The following ZNF536 variants were observed in gnomAD, a reference collection of about 807,000 sequenced individuals.
ZNF536 encodes zinc finger protein 536.
ZNF536 carries 13 observed loss-of-function variants against 84.5 expected under a neutral mutation model. The ratio of observed to expected loss-of-function variants is 0.15; its 90% CI spans 0.10 to 0.24. The LOEUF (loss-of-function observed/expected upper bound fraction) is 0.24. Ranked by LOEUF, ZNF536 falls within the 10% of genes least tolerant of loss-of-function variation. ZNF536 has a pLI of 1.00. For synonymous variants in ZNF536, 811 were observed against 742.5 expected (o/e 1.09, Z -1.50); for missense variants, 1,536 against 1,747.5 (o/e 0.88, Z 2.16).
At chr19:30,711,701 G>A (rs1271967189) in exon 2 of ZNF536, 1 of 151,998 alleles carries the variant, frequency 6.6e-6, no homozygotes, top group Non-Finnish European at 1.5e-5. Context: ...GTCCATTGCA[G>A]GTTTGATGAG....
chr19:30,297,005 G>A (rs1388064355), intron 2 of ZNF536, among the ~76,000 whole-genome samples: 1 of 152,238 alleles, frequency 6.6e-6, no homozygotes, highest in African/African-American at 2.4e-5. Context: ...TGAGGTGTTT[G>A]AGATGCTCCA....
At chr19:30,326,120 G>T (rs1006306769) in intron 2 of ZNF536, among the ~76,000 whole-genome samples, 1 of 152,206 alleles carries the variant, frequency 6.6e-6, no homozygotes, top group Non-Finnish European at 1.5e-5. Context: ...AATAGTGCTG[G>T]GGTCAGATGG....
chr19:30,572,450 C>A (rs1005254999), intron 1 of ZNF536, among the ~76,000 whole-genome samples: 1 of 152,168 alleles, frequency 6.6e-6, no homozygotes, highest in Non-Finnish European at 1.5e-5. Flanking sequence ...AACACTGTGA[C>A]CCCTCTACCC....
At chr19:30,270,856 C>G (rs908624660) in intron 1 of ZNF536, among the ~76,000 whole-genome samples, 1 of 150,752 alleles carries the variant, frequency 6.6e-6, no homozygotes, top group Non-Finnish European at 1.5e-5. Context: ...GCTGGGTATA[C>G]AGTCGGTTAA....
At chr19:30,477,301 G>C (rs2053890603) in intron 2 of ZNF536, among the ~76,000 whole-genome samples, 2 of 152,174 alleles carry the variant, frequency 1.3e-5, no homozygotes, top group Non-Finnish European at 2.9e-5. Flanking sequence ...CAGGAATGGT[G>C]TCTGTTTTGT....
intron 2 of ZNF536, among the ~76,000 whole-genome samples, chr19:30,454,306 T>C (rs1049853086): frequency 2.0e-5 from 3 of 152,188 alleles, no homozygotes; most frequent in African/African-American, 7.2e-5. Flanking sequence ...CGCGCCACAG[T>C]GCTCTCTTCT....
At chr19:30,440,908 TAG>T (rs2052010617) in intron 1 of ZNF536, among the ~76,000 whole-genome samples, 2 of 151,600 alleles carry the variant, frequency 1.3e-5, no homozygotes, top group South Asian at 4.2e-4. Flanking sequence ...GATAGATAGA[TAG>T]ATAGATAGAT....
At position 30,372,538 on chromosome 19, in the gene ZNF536, C is replaced by T. The variant is rs764635263; in HGVS notation, c.-21C>T. The T allele has an allele frequency of 6.6e-6, 1 of 152,122 alleles. No homozygotes were observed. Among genetic ancestry groups the T allele is most frequent in the Non-Finnish European group, 1.5e-5 (1 of 68,038 alleles). 9.4% of individuals were successfully genotyped at this position (152,122 alleles called of 1,614,324 possible). A position where few individuals can be genotyped will look rare whatever the true frequency, so the allele number is the denominator to read the frequency against. ...TGAAAAGTGAAAATGGTTCCATTTC[C>T]ATTTTCCCTGTTCTCAAGGTAATTC... On this transcript the variant is annotated 5_prime_UTR_variant, in exon 1 of 5. Transcript: ENST00000355537.
rs540131841 is a variant in ZNF536 at position 30,671,363 on chromosome 19, C to T, written c.170-39394C>T. Among the ~76,000 whole-genome samples, 73 of 152,294 alleles carry T rather than the reference C, an allele frequency of 4.8e-4. 2 individuals are homozygous for T. The South Asian group carries it at 0.011, about 23-fold the overall frequency. Reference sequence around the variant, plus strand: ...TGATCACTGGAAAGGTTGGCCCAGCCGGGGAGCTGAAGGGTCTGTCCTAGA... The same window carrying T: ...TGATCACTGGAAAGGTTGGCCCAGCTGGGGAGCTGAAGGGTCTGTCCTAGA... On this transcript the variant is annotated intron_variant, in intron 1 of 1. Transcript: ENST00000592773.
chr19:30,349,565 C>T (rs1001036515), intron 2 of ZNF536, among the ~76,000 whole-genome samples: 10 of 152,126 alleles, frequency 6.6e-5, no homozygotes, highest in Admixed American at 6.5e-4. Context: ...AGCGTTCTTG[C>T]TACACACTGG....
In ZNF536 at chr19:30,548,927, C is replaced by T. The variant is rs1449397311; in HGVS notation, c.3308C>T (p.Ala1103Val). The change falls in exon 4 of 5, where the codon GCA (alanine) becomes GTA (valine). Residue 1103 changes from alanine (A) to valine (V), a missense_variant. Physicochemically the swap from Ala to Val is moderately conservative, Grantham distance 64 (BLOSUM62 0). Around this residue, in one of 8 missense-constraint regions of ZNF536, gnomAD observed 624 missense variants for 603.1 expected, o/e 1.03. Coordinates refer to ENST00000355537, the MANE Select transcript of ZNF536 (RefSeq NM_014717.3). ...GCATGGACCGGCCACGTGGACCCTG[C>T]ATTTTGTAACTTCCCATCAGACTTC... The part of the protein sequence containing the change: ...SGAWTGHVDP[A>V]FCNFPSDFYK... The T allele has an allele frequency of 5.0e-6, 8 of 1,614,058 alleles. No individual in the cohort carries two copies. Among genetic ancestry groups the T allele is most frequent in the Admixed American group, 1.7e-5 (1 of 60,006 alleles).
At chr19:30,615,664 C>T (rs566214066) in intron 1 of ZNF536, among the ~76,000 whole-genome samples, 6 of 151,270 alleles carry the variant, frequency 4.0e-5, no homozygotes, top group South Asian at 4.2e-4. Flanking sequence ...TAGAATTTTT[C>T]GGGGGTGGCA....
chr19:30,501,398 C>A (rs768737639), intron 2 of ZNF536, among the ~76,000 whole-genome samples: 8 of 152,194 alleles, frequency 5.3e-5, no homozygotes, highest in Non-Finnish European at 1.0e-4. Flanking sequence ...ATGCTCTGAA[C>A]CACTACACAA....
chr19:30,553,226 G>A (rs1030572390), intron 4 of ZNF536, among the ~76,000 whole-genome samples: 1 of 152,192 alleles, frequency 6.6e-6, no homozygotes, highest in Non-Finnish European at 1.5e-5. Context: ...TTGCATCCAT[G>A]GACAAAGCAA....
At chr19:30,500,989 T>C (rs1478565907) in intron 2 of ZNF536, among the ~76,000 whole-genome samples, 2 of 152,172 alleles carry the variant, frequency 1.3e-5, no homozygotes, top group African/African-American at 4.8e-5. Flanking sequence ...TTGGGCATTG[T>C]TCAGGATTGG....
At chr19:30,705,779 T>C (rs932791588) in intron 1 of ZNF536, among the ~76,000 whole-genome samples, 11 of 152,240 alleles carry the variant, frequency 7.2e-5, no homozygotes, top group Non-Finnish European at 1.3e-4. Context: ...AATGGATATG[T>C]GCATAGCTTT....
chr19:30,587,647 T>C (rs1403951244), intron 1 of ZNF536, among the ~76,000 whole-genome samples: 1 of 152,196 alleles, frequency 6.6e-6, no homozygotes, highest in East Asian at 1.9e-4. Flanking sequence ...CCTCCTAAAC[T>C]GGAGACTTCA....
intron 2 of ZNF536, among the ~76,000 whole-genome samples, chr19:30,501,115 AC>A (rs1251058811): frequency 1.4e-4 from 21 of 152,056 alleles, no homozygotes; most frequent in African/African-American, 2.4e-5. Context: ...GCTCCCATCT[AC>A]CCCCACACCC....
intron 2 of ZNF536, among the ~76,000 whole-genome samples, chr19:30,485,312 C>T (rs1369805427): frequency 6.6e-6 from 1 of 152,116 alleles, no homozygotes; most frequent in Non-Finnish European, 1.5e-5. Flanking sequence ...AGATATAATT[C>T]ACATATCATA....
Sources: gnomAD v4.1 joint callset for allele counts (sites outside exome capture counted in the v4.1 genomes callset) on GRCh38, gnomAD v4.1.1 for gene constraint, gnomAD v4.1.1 regional missense constraint, MANE v1.5 for transcripts, NCBI Gene and HGNC (gene_info 2026-07-23, HGNC 2026-07-21) for gene names.